The following MZF1 variants were observed in gnomAD, a reference collection of about 807,000 sequenced individuals.
MZF1 encodes zinc finger and SCAN domain-containing protein 6.
In MZF1, 24 loss-of-function variants were observed where a neutral mutation model predicts 28.6. The observed-to-expected ratio is 0.84, with a 90% CI of 0.61 to 1.18. MZF1 has a LOEUF of 1.18. Among genes scored for constraint, MZF1 ranks in the 50% most tolerant of loss-of-function variants. MZF1 has a pLI of 0.00. For synonymous variants in MZF1, 516 were observed against 432.5 expected, an observed-to-expected ratio of 1.19 and a Z score of -2.40; for missense variants, 1,166 against 1,026.4, an observed-to-expected ratio of 1.14 and a Z score of -1.86.
intron 5 of MZF1, among the ~76,000 whole-genome samples, chr19:58,566,913 T>C (rs2054068327): frequency 6.6e-6 from 1 of 151,926 alleles, no homozygotes; most frequent in African/African-American, 2.4e-5. Context: ...CTCTTTTTTT[T>C]TTTTTTGAGA....
chr19:58,568,876 C>T, intron 5 of MZF1: 1 of 166,266 alleles, frequency 6.0e-6, no homozygotes. Flanking sequence ...TCCCTCCTGC[C>T]CACCTGCTCT....
At position 58,570,982 on chromosome 19, in the gene MZF1, ACACT is replaced by A. The variant is rs373061023; in HGVS notation, c.396+8_396+11del. The A allele has an allele frequency of 2.5e-4, 400 of 1,593,290 alleles. 2 individuals are homozygous for A. In the East Asian group the frequency reaches 5.6e-3, roughly 22 times the overall value. On this transcript the variant is annotated splice_region_variant and intron_variant, in intron 2 of 5. Transcript: ENST00000215057. Reference sequence around the variant, plus strand: ...CTCCAGTCCTGAACCCCACTCGTGGACACTCACTCACCCATCTCCGGGGTCCGCC... The same window carrying A: ...CTCCAGTCCTGAACCCCACTCGTGGACACTCACCCATCTCCGGGGTCCGCC...
Position 58,571,409 on chromosome 19 carries a change from A to G in MZF1, c.-20T>C. On this transcript the variant is annotated 5_prime_UTR_variant, in exon 2 of 6. Coordinates refer to ENST00000215057, the MANE Select transcript of MZF1 (RefSeq NM_198055.2). Reference sequence around the variant, plus strand: ...CCTCATAGAGGGTACCAGGTCAGGTATCTGAGGCCAGTGTCTGCCCCTGGT... The same window carrying G: ...CCTCATAGAGGGTACCAGGTCAGGTGTCTGAGGCCAGTGTCTGCCCCTGGT... 1 of 1,612,596 alleles carries G rather than the reference A, an allele frequency of 6.2e-7. No individual in the cohort carries two copies. The highest frequency in any genetic ancestry group is 8.5e-7 in the Non-Finnish European group (1 of 1,179,290).
chr19:58,562,595 C>T lies in MZF1; in HGVS notation c.1682G>A (p.Arg561His). 6.3e-7 allele frequency: 1 copy of T among 1,585,316 alleles called. No individual in the cohort carries two copies. ...GAAGGGCCGCTCCCCGGTGTGGATGCGCCGGTGCTGCGTCAGGTTGGAGCG... is the reference window on the plus strand; with the variant it reads ...GAAGGGCCGCTCCCCGGTGTGGATGTGCCGGTGCTGCGTCAGGTTGGAGCG... ...RQRSNLTQHR[R>H]IHTGERPFAC... The change falls in exon 6 of 6, where the codon CGC becomes CAC. Residue 561 changes from arginine (R) to histidine (H), a missense_variant. Physicochemically the swap from Arg to His is conservative, Grantham distance 29 (BLOSUM62 0). Coordinates refer to ENST00000215057, the MANE Select transcript of MZF1 (RefSeq NM_198055.2).
chr19:58,570,543 C>T lies in MZF1; in HGVS notation c.397-16G>A. 6.2e-7 allele frequency: 1 copy of T among 1,607,166 alleles called. No individual in the cohort carries two copies. Among genetic ancestry groups the T allele is most frequent in the Non-Finnish European group, 8.5e-7 (1 of 1,176,556 alleles). On this transcript the variant is annotated splice_polypyrimidine_tract_variant and intron_variant, in intron 2 of 5. Coordinates refer to ENST00000215057, the MANE Select transcript of MZF1 (RefSeq NM_198055.2). ...GGACTGTGACCTGGGGAGGTGCCCC[C>T]ACCATCAGAAGTCCTACCAGAGAGT...
Position 58,563,067 on chromosome 19 carries a change from G to C in MZF1, c.1210C>G (p.Leu404Val). The change falls in exon 6 of 6, where the codon CTT becomes GTT. Residue 404 changes from leucine (L) to valine (V), a missense_variant. Physicochemically the swap from Leu to Val is conservative, Grantham distance 32. Transcript: ENST00000215057. ...SRSSHLLRHQ[L>V]THTEERPFVC... ...AACGGCCGCTCCTCGGTGTGCGTAAGCTGGTGGCGCAGCAGGTGCGAGCTG... is the reference window on the plus strand; with the variant it reads ...AACGGCCGCTCCTCGGTGTGCGTAACCTGGTGGCGCAGCAGGTGCGAGCTG... 2 of 1,603,452 alleles carry C rather than the reference G, an allele frequency of 1.2e-6. No homozygotes were observed. Among genetic ancestry groups the C allele is most frequent in the Non-Finnish European group, 1.7e-6 (2 of 1,179,424 alleles).
chr19:58,570,937 T>G (rs2054148063), intron 2 of MZF1, 57 bp downstream of exon 2: 2 of 1,528,668 alleles, frequency 1.3e-6, no homozygotes, highest in Non-Finnish European at 8.8e-7. Context: ...CTGCCCAGGG[T>G]GAGGCCGAGC....
rs970171886 is a variant in MZF1 at position 58,564,920 on chromosome 19, T to G, written c.773-1416A>C. On this transcript the variant is annotated intron_variant, in intron 5 of 5. Transcript: ENST00000215057. ...TGTGTGTGTTTTTTTTTTTTTTTTTTTTTTTTTTTTTTTTTTTTGAGACTG... is the reference window on the plus strand; with the variant it reads ...TGTGTGTGTTTTTTTTTTTTTTTTTGTTTTTTTTTTTTTTTTTTGAGACTG... Among the ~76,000 whole-genome samples, 229 of 123,674 alleles carry G rather than the reference T, an allele frequency of 1.9e-3. 4 individuals are homozygous for G. The highest frequency in any genetic ancestry group is 6.4e-3 in the East Asian group (27 of 4,250). 81.1% of individuals were successfully genotyped at this position (123,674 alleles called of 152,430 possible).
intron 5 of MZF1, 54 bp from the exon 6 acceptor site, chr19:58,563,558 C>T (rs1265699644): frequency 5.0e-6 from 7 of 1,390,318 alleles, no homozygotes; most frequent in African/African-American, 1.4e-5. Flanking sequence ...CGTGCCGGGA[C>T]CCACTTCATC....
chr19:58,569,085 A>T, intron 5 of MZF1, 192 bp downstream of exon 5: 1 of 611,814 alleles, frequency 1.6e-6, no homozygotes, highest in Non-Finnish European at 2.7e-6. Context: ...GATCAGTGGT[A>T]GTGGTGGGTG....
intron 2 of MZF1, 102 bp from the exon 3 acceptor site, chr19:58,570,629 G>T: frequency 7.7e-7 from 1 of 1,301,520 alleles, no homozygotes; most frequent in Non-Finnish European, 1.0e-6. Context: ...CCAGGGGCCT[G>T]CCTTGTAAAT....
At chr19:58,567,617 G>A (rs1243143620) in intron 5 of MZF1, among the ~76,000 whole-genome samples, 1 of 152,156 alleles carries the variant, frequency 6.6e-6, no homozygotes, top group African/African-American at 2.4e-5. Flanking sequence ...ATTGCCCTAT[G>A]GATCTGTTTG....
At position 58,563,276 on chromosome 19, in the gene MZF1, C is replaced by A. The variant is rs1289024503; in HGVS notation, c.1001G>T (p.Arg334Leu). 1.2e-6 allele frequency: 2 copies of A among 1,607,134 alleles called. No homozygotes were observed. Among genetic ancestry groups the A allele is most frequent in the South Asian group, 1.1e-5 (1 of 90,376 alleles). Residue 334 changes from arginine to leucine, a missense_variant, in exon 6 of 6, where the codon CGC becomes CTC. By Grantham distance (102) the Arg-to-Leu change is moderately radical. Coordinates refer to ENST00000215057, the MANE Select transcript of MZF1 (RefSeq NM_198055.2). ...RGVGPALITT[R>L]WRSPRGRSRG... ...GCTCCGGCCCCTGGGGGAGCGCCAG[C>A]GGGTGGTGATCAGAGCAGGGCCCAC...
chr19:58,570,545 C>G lies in MZF1; in HGVS notation c.397-18G>C, dbSNP rs1568685703. On this transcript the variant is annotated intron_variant, in intron 2 of 5. Transcript: ENST00000215057. ...ACTGTGACCTGGGGAGGTGCCCCCACCATCAGAAGTCCTACCAGAGAGTAA... is the reference window on the plus strand; with the variant it reads ...ACTGTGACCTGGGGAGGTGCCCCCAGCATCAGAAGTCCTACCAGAGAGTAA... 6.2e-7 allele frequency: 1 copy of G among 1,606,486 alleles called. No homozygotes were observed. The highest frequency in any genetic ancestry group is 1.3e-5 in the African/African-American group (1 of 74,740).
At chr19:58,564,127 A>C (rs966447262) in intron 5 of MZF1, 2 of 152,296 alleles carry the variant, frequency 1.3e-5, no homozygotes, top group East Asian at 1.9e-4. Flanking sequence ...GTGAAGGAGG[A>C]GGCACCAGCA....
chr19:58,571,096 A>G lies in MZF1; in HGVS notation c.294T>C (p.Pro98=). Residue 98 remains proline (P), a synonymous_variant, in exon 2 of 6, where the codon CCT becomes CCC. Coordinates refer to ENST00000215057, the MANE Select transcript of MZF1 (RefSeq NM_198055.2). ...VLEQFLGALP[P]EIQARVQGQR... Reference sequence around the variant, plus strand: ...GCCCCTGCACACGGGCCTGGATCTCAGGGGGCAGTGCGCCCAGGAACTGCT... The same window carrying G: ...GCCCCTGCACACGGGCCTGGATCTCGGGGGGCAGTGCGCCCAGGAACTGCT... 1 of 1,613,782 alleles carries G rather than the reference A, an allele frequency of 6.2e-7. No individual in the cohort carries two copies. The highest frequency in any genetic ancestry group is 2.2e-5 in the East Asian group (1 of 44,880).
chr19:58,566,647 C>G (rs917274618), intron 5 of MZF1, among the ~76,000 whole-genome samples: 1 of 152,044 alleles, frequency 6.6e-6, no homozygotes, highest in African/African-American at 2.4e-5. Context: ...AATGTATTAG[C>G]TATTCAGAAT....
At chr19:58,566,065 C>T (rs557440339) in intron 5 of MZF1, among the ~76,000 whole-genome samples, 7 of 149,532 alleles carry the variant, frequency 4.7e-5, no homozygotes, top group South Asian at 4.2e-4. Context: ...GTCGTGAACC[C>T]GGGAGGCGGA....
rs1183142394 is a variant in MZF1 at position 58,564,912 on chromosome 19, T to G, written c.773-1408A>C. 8.6e-3 allele frequency among the ~76,000 whole-genome samples: 762 copies of G among 88,286 alleles called. 13 individuals carry two copies. The highest frequency in any genetic ancestry group is 0.031 in the African/African-American group (654 of 21,174). The allele number at this position is 88,286 out of a possible 152,430, so 57.9% of individuals were successfully genotyped here. On this transcript the variant is annotated intron_variant, in intron 5 of 5. Coordinates refer to ENST00000215057, the MANE Select transcript of MZF1 (RefSeq NM_198055.2). ...AGCATCCATGTGTGTGTTTTTTTTT[T>G]TTTTTTTTTTTTTTTTTTTTTTTTT... is the stretch of plus-strand genomic sequence containing the variant.
Sources: gnomAD v4.1 joint callset for allele counts (sites outside exome capture counted in the v4.1 genomes callset) on GRCh38, gnomAD v4.1.1 for gene constraint, MANE v1.5 for transcripts, NCBI Gene and HGNC (gene_info 2026-07-23, HGNC 2026-07-21) for gene names.